DBH: variants seen among roughly 807,000 people sequenced by gnomAD.
The protein encoded by DBH is dopamine beta-hydroxylase (dopamine beta-monooxygenase).
A neutral mutation model predicts 64.0 loss-of-function variants in DBH; 49 were observed. That is an observed-to-expected ratio of 0.77 (90% CI 0.61 to 0.97). DBH has a LOEUF of 0.97. Ranked by LOEUF, DBH falls within the 50% of genes least tolerant of loss-of-function variation. The pLI is 0.00. For synonymous variants in DBH, 343 were observed against 347.1 expected (o/e 0.99, Z 0.13); for missense variants, 828 against 826.6 (o/e 1.00, Z -0.02).
chr9:133,642,437 G>C lies in DBH; in HGVS notation c.717G>C (p.Lys239Asn), dbSNP rs5321. 3.1e-4 allele frequency: 498 copies of C among 1,612,644 alleles called. No individual in the cohort carries two copies. Among genetic ancestry groups the C allele is most frequent in the Admixed American group, 4.5e-4 (27 of 59,776 alleles). Residue 239 changes from lysine to asparagine, a missense_variant, in exon 3 of 12, where the codon AAG becomes AAC. Physicochemically the swap from Lys to Asn is moderately conservative, Grantham distance 94. Coordinates refer to ENST00000393056, the MANE Select transcript of DBH (RefSeq NM_000787.4). ...GGTGCTACATTAAGGAGCTTCCAAA[G>C]GGCTTCTCTCGGCACCACATTATCA... Reference protein sequence around the residue: ...TYWCYIKELPKGFSRHHIIKY... With the variant: ...TYWCYIKELPNGFSRHHIIKY...
At chr9:133,647,727 G>T in intron 5 of DBH, 119 bp from the exon 6 acceptor site, 1 of 1,252,976 alleles carries the variant, frequency 8.0e-7, no homozygotes, top group Non-Finnish European at 1.1e-6. Flanking sequence ...GCAGATGGGG[G>T]GTGACCGGCC....
chr9:133,639,754 A>C (rs1832093923), intron 1 of DBH, 92 bp from the exon 2 acceptor site: 1 of 1,388,368 alleles, frequency 7.2e-7, no homozygotes, highest in Non-Finnish European at 9.9e-7. Flanking sequence ...GCTGGCAATG[A>C]ATGCGGAGCT....
chr9:133,641,672 C>T (rs1588347354), intron 2 of DBH, among the ~76,000 whole-genome samples: 1 of 152,352 alleles, frequency 6.6e-6, no homozygotes, highest in African/African-American at 2.4e-5. Flanking sequence ...TCCAGCACCG[C>T]GTAGATCCAT....
intron 1 of DBH, among the ~76,000 whole-genome samples, chr9:133,637,600 G>C (rs1832068212): frequency 6.6e-6 from 1 of 152,240 alleles, no homozygotes; most frequent in African/African-American, 2.4e-5. Context: ...AGCTGGAGCG[G>C]GGGAGCTGTG....
At chr9:133,656,053 C>T (rs573332628) in intron 9 of DBH, 7 of 252,496 alleles carry the variant, frequency 2.8e-5, no homozygotes, top group African/African-American at 6.6e-5. Flanking sequence ...GACTGGTGGA[C>T]GGTGCGGGGC....
chr9:133,643,494 G>A lies in DBH; in HGVS notation c.826G>A (p.Val276Ile), dbSNP rs770756255. Reference sequence around the variant, plus strand: ...CCAGTGCGCCCCCGAGATGGACAGCGTCCCCCACTTCAGCGGGCCCTGCGA... The same window carrying A: ...CCAGTGCGCCCCCGAGATGGACAGCATCCCCCACTTCAGCGGGCCCTGCGA... ...VFQCAPEMDS[V>I]PHFSGPCDSK... is the part of the protein sequence containing the mutation. Residue 276 changes from valine (V) to isoleucine (I), a missense_variant, in exon 4 of 12, where the codon GTC (valine) becomes ATC (isoleucine). Transcript: ENST00000393056. This position sits in a 1 kb window ranked among gnomAD's most constrained non-coding sequence, Gnocchi z 5.3. 21 of 1,613,618 alleles carry A rather than the reference G, an allele frequency of 1.3e-5. No homozygotes were observed. The highest frequency in any genetic ancestry group is 1.0e-4 in the Admixed American group (6 of 59,992).
rs1352227880 is a variant in DBH, at chr9:133,659,304, C to T, written c.*857C>T. ...GCTGATGCCGTGCGGGCTAATGAGCCAATAAAGCTCACACTTGGGCTGGCA... is the reference window on the plus strand; with the variant it reads ...GCTGATGCCGTGCGGGCTAATGAGCTAATAAAGCTCACACTTGGGCTGGCA... On this transcript the variant is annotated 3_prime_UTR_variant, in exon 12 of 12. Transcript: ENST00000393056. 6.6e-6 allele frequency: 1 copy of T among 152,244 alleles called. No homozygotes were observed. The highest frequency in any genetic ancestry group is 1.5e-5 in the Non-Finnish European group (1 of 68,066). 9.4% of individuals were successfully genotyped at this position (152,244 alleles called of 1,614,324 possible). A position where few individuals can be genotyped will look rare whatever the true frequency, so the allele number is the denominator to read the frequency against.
chr9:133,650,198 T>C (rs1329707880), intron 6 of DBH, among the ~76,000 whole-genome samples: 1 of 152,116 alleles, frequency 6.6e-6, no homozygotes, highest in Non-Finnish European at 1.5e-5. Context: ...CACAAAGCTA[T>C]AGGCGACGGC....
chr9:133,650,503 T>TCTTTC (rs1564212571), intron 6 of DBH, among the ~76,000 whole-genome samples: 22 of 148,108 alleles, frequency 1.5e-4, no homozygotes, highest in African/African-American at 5.5e-4. Context: ...TTCTTTCCTT[T>TCTTTC]CTTTCTTTCC....
chr9:133,649,972 A>C (rs1038317530), intron 6 of DBH, among the ~76,000 whole-genome samples: 2 of 152,264 alleles, frequency 1.3e-5, no homozygotes, highest in Admixed American at 6.5e-5. Flanking sequence ...CAAATTCTGC[A>C]GCCAAAATCT....
In DBH at chr9:133,647,973, C is replaced by T. The variant is rs370844365; in HGVS notation, c.1152C>T (p.Phe384=). 154 of 1,613,662 alleles carry T rather than the reference C, an allele frequency of 9.5e-5. No homozygotes were observed. The highest frequency in any genetic ancestry group is 1.2e-4 in the Non-Finnish European group (146 of 1,179,962). The change falls in exon 6 of 12, where the codon TTC becomes TTT. Residue 384 remains phenylalanine, a synonymous_variant. Transcript: ENST00000393056. ...VMAIPPRETA[F]ILTGYCTDKC... is the part of the protein sequence containing the mutation. ...CCATTCCACCACGGGAGACCGCCTTCATCCTCACTGGCTACTGCACGGACA... is the reference window on the plus strand; with the variant it reads ...CCATTCCACCACGGGAGACCGCCTTTATCCTCACTGGCTACTGCACGGACA...
Position 133,651,653 on chromosome 9 carries a change from T to C in DBH, c.1211T>C (p.Ile404Thr). ...CTQLALPPSG[I>T]HIFASQLHTH... ...CCACAGGCACTGCCTCCCTCCGGGA[T>C]CCACATCTTCGCCTCTCAGCTCCAC... is the stretch of plus-strand genomic sequence containing the variant. The change falls in exon 7 of 12, where the codon ATC (isoleucine) becomes ACC (threonine). Residue 404 changes from isoleucine (I) to threonine (T), a missense_variant. Coordinates refer to ENST00000393056, the MANE Select transcript of DBH (RefSeq NM_000787.4). 2 of 1,613,756 alleles carry C rather than the reference T, an allele frequency of 1.2e-6. No individual in the cohort carries two copies. The highest frequency in any genetic ancestry group is 1.7e-6 in the Non-Finnish European group (2 of 1,179,986).
In DBH at chr9:133,652,910, G is replaced by A. The variant is rs1340094777; in HGVS notation, c.1375-30G>A. 7 of 1,597,380 alleles carry A rather than the reference G, an allele frequency of 4.4e-6. No individual in the cohort carries two copies. In the African/African-American group the frequency reaches 8.0e-5, roughly 18 times the overall value. ...AGCACCTGCCAACGCCAGGTGGCAG[G>A]TGCTGATGGTCACATTGGCTTTTCC... On this transcript the variant is annotated intron_variant, in intron 8 of 11. Coordinates refer to ENST00000393056, the MANE Select transcript of DBH (RefSeq NM_000787.4).
chr9:133,645,391 T>C (rs961314699), intron 5 of DBH, among the ~76,000 whole-genome samples: 2 of 152,212 alleles, frequency 1.3e-5, no homozygotes, highest in African/African-American at 4.8e-5. Context: ...AATGGATTTT[T>C]GAAAACTCCT....
At chr9:133,647,458 A>G (rs1027594666) in intron 5 of DBH, among the ~76,000 whole-genome samples, 8 of 152,220 alleles carry the variant, frequency 5.3e-5, no homozygotes, top group African/African-American at 1.9e-4. Flanking sequence ...CACTTATGAA[A>G]CAATCTGAGC....
intron 3 of DBH, among the ~76,000 whole-genome samples, chr9:133,642,944 G>A (rs1362434931): frequency 6.6e-6 from 1 of 152,218 alleles, no homozygotes; most frequent in Non-Finnish European, 1.5e-5. Flanking sequence ...TCCAGCAGAG[G>A]AAGTGTGGCC....
intron 6 of DBH, among the ~76,000 whole-genome samples, chr9:133,649,810 C>A (rs1832223191): frequency 6.6e-6 from 1 of 152,200 alleles, no homozygotes; most frequent in Admixed American, 6.5e-5. Context: ...GGCCTTGGGG[C>A]CTTCGACCCC....
rs886063661 is a variant in DBH, at chr9:133,658,730, A to G, written c.*283A>G. ...GACTCAGTGCAGGGACAGCCTGCAC[A>G]GTGGTCCAGGGTCCAGCCCTCCGCC... On this transcript the variant is annotated 3_prime_UTR_variant, in exon 12 of 12. Coordinates refer to ENST00000393056, the MANE Select transcript of DBH (RefSeq NM_000787.4). 3.4e-6 allele frequency: 1 copy of G among 290,006 alleles called. No individual in the cohort carries two copies. Among genetic ancestry groups the G allele is most frequent in the Non-Finnish European group, 6.4e-6 (1 of 157,180 alleles). The allele number at this position is 290,006 out of a possible 1,614,324, so 18.0% of individuals were successfully genotyped here.
chr9:133,651,908 C>G (rs1411249139), intron 7 of DBH, 131 bp downstream of exon 7: 1 of 950,410 alleles, frequency 1.1e-6, no homozygotes. Flanking sequence ...GCCCCACCCG[C>G]CCCCCACCCA....
Sources: gnomAD v4.1 joint callset for allele counts (sites outside exome capture counted in the v4.1 genomes callset) on GRCh38, gnomAD v4.1.1 for gene constraint, Gnocchi (gnomAD v3.1) non-coding constraint, MANE v1.5 for transcripts, NCBI Gene and HGNC (gene_info 2026-07-23, HGNC 2026-07-21) for gene names.